Variants in POT1 observed in about 807,000 individuals in gnomAD.
POT1 encodes the protein protection of telomeres protein 1.
In POT1, 47 loss-of-function variants were observed where a neutral mutation model predicts 78.5. The ratio of observed to expected loss-of-function variants is 0.60; its 90% CI spans 0.47 to 0.76. The LOEUF (loss-of-function observed/expected upper bound fraction) is 0.76. Among genes scored for constraint, POT1 ranks in the 30% least tolerant of loss-of-function variants. The pLI is 0.00. For missense variants in POT1, 646 were observed against 749.9 expected, an observed-to-expected ratio of 0.86 and a Z score of 1.62; for synonymous variants, 259 against 260.7, an observed-to-expected ratio of 0.99 and a Z score of 0.06.
chr7:124,862,671 C>T (rs1372884376), intron 8 of POT1, among the ~76,000 whole-genome samples: 7 of 152,090 alleles, frequency 4.6e-5, no homozygotes, highest in Admixed American at 2.6e-4. Flanking sequence ...CCATTTCTTG[C>T]CCTATTATTC....
At chr7:124,831,641 C>T (rs1794760567) in intron 15 of POT1, among the ~76,000 whole-genome samples, 1 of 151,924 alleles carries the variant, frequency 6.6e-6, no homozygotes. Context: ...CAAAAAATAA[C>T]ACATATCCAT....
intron 3 of POT1, among the ~76,000 whole-genome samples, chr7:124,906,282 A>G (rs1450031561): frequency 6.6e-6 from 1 of 152,172 alleles, no homozygotes; most frequent in African/African-American, 2.4e-5. Context: ...AATGTGGCAC[A>G]TATACACCAT....
At chr7:124,859,211 A>C in intron 8 of POT1, 99 bp from the exon 9 acceptor site, 3 of 791,788 alleles carry the variant, frequency 3.8e-6, no homozygotes, top group Non-Finnish European at 5.6e-6. Flanking sequence ...AATTAAACTT[A>C]TGCCTCTGAA....
chr7:124,842,690 C>A (rs1429418124), intron 13 of POT1, 117 bp downstream of exon 13: 17 of 776,534 alleles, frequency 2.2e-5, no homozygotes, highest in Non-Finnish European at 3.0e-5. Flanking sequence ...ACCATTCTTG[C>A]AAAATATAAT....
At chr7:124,839,291 C>G (rs78573581) in intron 14 of POT1, among the ~76,000 whole-genome samples, 151 of 152,254 alleles carry the variant, frequency 9.9e-4, no homozygotes, top group African/African-American at 3.5e-3. Context: ...TTAAGTGATA[C>G]TGTTTTATAT....
Position 124,823,800 on chromosome 7 carries a change from G to A in POT1, c.*162C>T, listed in dbSNP as rs1019379557. On this transcript the variant is annotated 3_prime_UTR_variant, in exon 19 of 19. Coordinates refer to ENST00000357628, the MANE Select transcript of POT1 (RefSeq NM_015450.3). ...AAAATCCATAGCCATTATTTACCTTGCACCCAGTAAAAGCCAAGAGATTTA... is the reference window on the plus strand; with the variant it reads ...AAAATCCATAGCCATTATTTACCTTACACCCAGTAAAAGCCAAGAGATTTA... 1.7e-6 allele frequency: 1 copy of A among 590,232 alleles called. No individual in the cohort carries two copies. The highest frequency in any genetic ancestry group is 3.0e-6 in the Non-Finnish European group (1 of 334,370). 36.6% of individuals were successfully genotyped at this position (590,232 alleles called of 1,614,324 possible).
intron 2 of POT1, among the ~76,000 whole-genome samples, chr7:124,925,146 T>C (rs552925603): frequency 1.3e-5 from 2 of 152,096 alleles, no homozygotes; most frequent in East Asian, 3.9e-4. Flanking sequence ...ACAAAAGGCA[T>C]CCAAATTGGG....
intron 12 of POT1, 156 bp from the exon 13 acceptor site, chr7:124,843,119 T>C: frequency 2.0e-6 from 1 of 504,674 alleles, no homozygotes; most frequent in Admixed American, 4.0e-5. Context: ...CCCTGATGTA[T>C]ACCCAAGGCC....
intron 15 of POT1, 101 bp from the exon 16 acceptor site, chr7:124,829,443 T>A (rs1233077422): frequency 2.8e-6 from 2 of 712,334 alleles, no homozygotes; most frequent in African/African-American, 3.6e-5. Flanking sequence ...AAAATATAAA[T>A]TATTAAACAG....
At chr7:124,901,989 A>C (rs1315212708) in intron 3 of POT1, among the ~76,000 whole-genome samples, 1 of 152,182 alleles carries the variant, frequency 6.6e-6, no homozygotes, top group African/African-American at 2.4e-5. Flanking sequence ...AAGAGTAAAA[A>C]GAAATGAACA....
intron 3 of POT1, among the ~76,000 whole-genome samples, chr7:124,905,073 G>C (rs1005246268): frequency 1.3e-5 from 2 of 152,124 alleles, no homozygotes; most frequent in Non-Finnish European, 2.9e-5. Flanking sequence ...TACTGCCCAA[G>C]GTAATTTATA....
At chr7:124,845,576 T>C (rs1040922676) in intron 12 of POT1, among the ~76,000 whole-genome samples, 1 of 152,166 alleles carries the variant, frequency 6.6e-6, no homozygotes, top group Non-Finnish European at 1.5e-5. Flanking sequence ...TACTAAAAAC[T>C]TACTGTTTCC....
intron 12 of POT1, among the ~76,000 whole-genome samples, chr7:124,844,191 C>T (rs1440367801): frequency 2.7e-5 from 4 of 145,510 alleles, no homozygotes; most frequent in Middle Eastern, 3.6e-3. Flanking sequence ...TGCAATGGTG[C>T]GATCTCTGCT....
chr7:124,868,886 A>C (rs1795797585), intron 7 of POT1, among the ~76,000 whole-genome samples: 1 of 151,762 alleles, frequency 6.6e-6, no homozygotes, highest in Non-Finnish European at 1.5e-5. Context: ...AATTATTTAT[A>C]AACTTACAGA....
chr7:124,826,649 G>C (rs1166656669), intron 17 of POT1, among the ~76,000 whole-genome samples: 1 of 152,104 alleles, frequency 6.6e-6, no homozygotes, highest in African/African-American at 2.4e-5. Context: ...AGGGTGGGTG[G>C]ATCATGAGGT....
chr7:124,829,755 C>T (rs1210140688), intron 15 of POT1, among the ~76,000 whole-genome samples: 4 of 150,700 alleles, frequency 2.7e-5, no homozygotes, highest in Non-Finnish European at 4.4e-5. Context: ...AAGACAAGGT[C>T]TCACTCTGTC....
intron 2 of POT1, among the ~76,000 whole-genome samples, chr7:124,921,320 C>A (rs1797144255): frequency 6.6e-6 from 1 of 151,818 alleles, no homozygotes. Context: ...TTAATAAATA[C>A]AAGTATACAA....
chr7:124,824,453 C>A (rs1794582709), intron 18 of POT1, among the ~76,000 whole-genome samples: 1 of 151,982 alleles, frequency 6.6e-6, no homozygotes, highest in Admixed American at 6.6e-5. Flanking sequence ...AAACAGTTAA[C>A]ACAAATTAAA....
chr7:124,847,350 C>G (rs1795196975), intron 11 of POT1, among the ~76,000 whole-genome samples: 1 of 152,140 alleles, frequency 6.6e-6, no homozygotes, highest in African/African-American at 2.4e-5. Context: ...CAAAAATTAG[C>G]CAAGTGTGGT....
Sources: allele counts gnomAD v4.1 joint callset (sites outside exome capture counted in the v4.1 genomes callset), GRCh38; gene constraint gnomAD v4.1.1; transcripts MANE v1.5; gene names NCBI Gene and HGNC (gene_info 2026-07-23, HGNC 2026-07-21).